The following BCL11B variants were observed in gnomAD, a reference collection of about 807,000 sequenced individuals.
BCL11B encodes the protein BCL11 transcription factor B, also known as B-cell lymphoma/leukemia 11B.
Under a neutral mutation model 49.9 loss-of-function variants are expected in BCL11B, and 8 were observed. The ratio of observed to expected loss-of-function variants is 0.16; its 90% CI spans 0.09 to 0.29. The LOEUF (loss-of-function observed/expected upper bound fraction) is 0.29, where lower values mean the gene tolerates loss of function less well. BCL11B is among the 10% of genes least tolerant of loss of function. BCL11B has a pLI of 1.00. For missense variants in BCL11B, 1,006 were observed against 1,351.0 expected, an observed-to-expected ratio of 0.74 and a Z score of 4.00; for synonymous variants, 739 against 637.4, an observed-to-expected ratio of 1.16 and a Z score of -2.40.
At chr14:99,250,183 C>A (rs925990617) in intron 2 of BCL11B, among the ~76,000 whole-genome samples, 1 of 151,766 alleles carries the variant, frequency 6.6e-6, no homozygotes, top group Non-Finnish European at 1.5e-5. Flanking sequence ...CTACAGGCAC[C>A]CGCCACCATG....
intron 3 of BCL11B, among the ~76,000 whole-genome samples, chr14:99,212,058 C>T (rs530086488): frequency 6.6e-6 from 1 of 152,146 alleles, no homozygotes; most frequent in East Asian, 1.9e-4. Flanking sequence ...TCCCATCCTG[C>T]CCACCGACTT....
At chr14:99,199,284 C>T (rs566817807) in intron 3 of BCL11B, among the ~76,000 whole-genome samples, 1 of 152,288 alleles carries the variant, frequency 6.6e-6, no homozygotes, top group South Asian at 2.1e-4. Context: ...TTCTCCCATG[C>T]TCCTTAATAA....
chr14:99,189,951 G>T (rs1886973334), intron 3 of BCL11B, among the ~76,000 whole-genome samples: 1 of 152,206 alleles, frequency 6.6e-6, no homozygotes, highest in Non-Finnish European at 1.5e-5. Context: ...AGCACCTCAA[G>T]GCTGGCTGGG....
rs180994571 is a variant in BCL11B, at chr14:99,240,572, T to G, written c.428-9015A>C. ...TTTAACTGAGTTTTCTGTATGTAGA[T>G]GGCATTTAATATACATATCGTAAGC... is the stretch of plus-strand genomic sequence containing the variant. On this transcript the variant is annotated intron_variant, in intron 2 of 3. Coordinates refer to ENST00000357195, the MANE Select transcript of BCL11B (RefSeq NM_138576.4). Among the ~76,000 whole-genome samples the G allele has an allele frequency of 1.5e-3, 235 of 152,346 alleles. 2 individuals are homozygous for G. Among genetic ancestry groups the G allele is most frequent in the Non-Finnish European group, 2.6e-3 (178 of 68,028 alleles).
At chr14:99,256,855 G>A (rs529585380) in intron 2 of BCL11B, among the ~76,000 whole-genome samples, 13 of 152,234 alleles carry the variant, frequency 8.5e-5, no homozygotes, top group South Asian at 2.1e-4. Context: ...GCCTGGGACC[G>A]GCCCCTGGGG....
rs1270397012 is a variant in BCL11B, at chr14:99,247,480, C to T, written c.427+9991G>A. Among the ~76,000 whole-genome samples, 2 of 152,322 alleles carry T rather than the reference C, an allele frequency of 1.3e-5. No homozygotes were observed. The highest frequency in any genetic ancestry group is 3.9e-4 in the East Asian group (2 of 5,172). On this transcript the variant is annotated intron_variant, in intron 2 of 3. Coordinates refer to ENST00000357195, the MANE Select transcript of BCL11B (RefSeq NM_138576.4). The surrounding 1 kb of genome is among the most constrained non-coding windows in gnomAD (Gnocchi z 4.5). ...AGAGAAGAATTCAGACAGTTGTTGT[C>T]TCTCTGAGCCCAGGACAGCCAGTCT... is the stretch of plus-strand genomic sequence containing the variant.
In BCL11B at chr14:99,204,674, A is replaced by G. The variant is rs75758849; in HGVS notation, c.640+26671T>C. Among the ~76,000 whole-genome samples, 550 of 152,236 alleles carry G rather than the reference A, an allele frequency of 3.6e-3. 24 individuals are homozygous for G. The East Asian group carries it at 0.09, about 25-fold the overall frequency. ...GTGCTGGGCATCTGGGAGCCTAACA[A>G]GAGTGTCTAGAACCTTCTCCCTTAC... On this transcript the variant is annotated intron_variant, in intron 3 of 3. Transcript: ENST00000357195.
intron 3 of BCL11B, among the ~76,000 whole-genome samples, chr14:99,193,684 A>G (rs1887102141): frequency 6.6e-6 from 1 of 152,240 alleles, no homozygotes; most frequent in African/African-American, 2.4e-5. Flanking sequence ...AACTAAATAG[A>G]GAAACCAACA....
Position 99,184,483 on chromosome 14 carries a change from G to T in BCL11B, c.641-8288C>A, listed in dbSNP as rs1595224831. On this transcript the variant is annotated intron_variant, in intron 3 of 3. Coordinates refer to ENST00000357195, the MANE Select transcript of BCL11B (RefSeq NM_138576.4). The surrounding 1 kb of genome is among the most constrained non-coding windows in gnomAD (Gnocchi z 6.1). Reference sequence around the variant, plus strand: ...CTTTGGAAAGTGGGTTTTAACCCAGGTTCTCTAGAGAAAAGAAACTAAGTC... The same window carrying T: ...CTTTGGAAAGTGGGTTTTAACCCAGTTTCTCTAGAGAAAAGAAACTAAGTC... 6.6e-6 allele frequency among the ~76,000 whole-genome samples: 1 copy of T among 152,298 alleles called. No homozygotes were observed. The highest frequency in any genetic ancestry group is 3.4e-3 in the Middle Eastern group (1 of 294).
Position 99,241,323 on chromosome 14 carries a change from C to T in BCL11B, c.428-9766G>A, listed in dbSNP as rs1028789655. On this transcript the variant is annotated intron_variant, in intron 2 of 3. Transcript: ENST00000357195. The surrounding 1 kb of genome is among the most constrained non-coding windows in gnomAD (Gnocchi z 4.4). ...AGGCGGGGAGGCCTCCGGGGCCACT[C>T]TTACACATAAACAATCATAGTGTAG... Among the ~76,000 whole-genome samples, 2 of 152,084 alleles carry T rather than the reference C, an allele frequency of 1.3e-5. No individual in the cohort carries two copies. Among genetic ancestry groups the T allele is most frequent in the Non-Finnish European group, 2.9e-5 (2 of 68,034 alleles).
At chr14:99,227,928 C>T (rs1888205023) in intron 3 of BCL11B, among the ~76,000 whole-genome samples, 1 of 152,178 alleles carries the variant, frequency 6.6e-6, no homozygotes, top group African/African-American at 2.4e-5. Context: ...CTTCTCCCCA[C>T]TGCGACCATT....
intron 2 of BCL11B, among the ~76,000 whole-genome samples, chr14:99,234,454 T>A (rs1055290194): frequency 4.6e-5 from 7 of 152,124 alleles, no homozygotes; most frequent in African/African-American, 1.7e-4. Context: ...GCTTGAGATG[T>A]GGGACAGGGT....
rs1167349078 is a variant in BCL11B at position 99,271,730 on chromosome 14, A to G, written c.-512T>C. The stretch of plus-strand genomic sequence containing the variant: ...GAAAGCGCACTTCTACCAGGAGGGG[A>G]AAAAAAATGCAAACAAATAAAAAAA... On this transcript the variant is annotated 5_prime_UTR_variant, in exon 1 of 4. Coordinates refer to ENST00000357195, the MANE Select transcript of BCL11B (RefSeq NM_138576.4). 4.0e-5 allele frequency among the ~76,000 whole-genome samples: 6 copies of G among 151,664 alleles called. No individual in the cohort carries two copies. The highest frequency in any genetic ancestry group is 2.1e-4 in the South Asian group (1 of 4,806).
At position 99,194,387 on chromosome 14, in the gene BCL11B, G is replaced by C. The variant is rs1270071238; in HGVS notation, c.641-18192C>G. Among the ~76,000 whole-genome samples, 3 of 152,228 alleles carry C rather than the reference G, an allele frequency of 2.0e-5. No homozygotes were observed. Among genetic ancestry groups the C allele is most frequent in the Non-Finnish European group, 2.9e-5 (2 of 68,042 alleles). ...CAGTGCTCCTGGACAACATCCCTAG[G>C]GGGTGGCAGGGCCAGGAAGATGCCT... On this transcript the variant is annotated intron_variant, in intron 3 of 3. Transcript: ENST00000357195. This position sits in a 1 kb window ranked among gnomAD's most constrained non-coding sequence, Gnocchi z 4.6.
At chr14:99,212,821 C>T (rs1471706385) in intron 3 of BCL11B, among the ~76,000 whole-genome samples, 1 of 152,206 alleles carries the variant, frequency 6.6e-6, no homozygotes, top group Non-Finnish European at 1.5e-5. Context: ...GATCCCAGGG[C>T]CATGATGCTC....
chr14:99,217,329 CATGCACATAT>C (rs1887875138), intron 3 of BCL11B, among the ~76,000 whole-genome samples: 1 of 151,774 alleles, frequency 6.6e-6, no homozygotes, highest in South Asian at 2.1e-4. Context: ...CGTGTACACG[CATGCACATAT>C]ATGCACATAT....
intron 2 of BCL11B, among the ~76,000 whole-genome samples, chr14:99,245,573 G>A (rs958223612): frequency 2.6e-5 from 4 of 152,242 alleles, no homozygotes; most frequent in Admixed American, 6.5e-5. Context: ...AAGGTGGGCT[G>A]AGGAAGACGG....
chr14:99,221,272 G>A (rs953496126), intron 3 of BCL11B, among the ~76,000 whole-genome samples: 2 of 152,218 alleles, frequency 1.3e-5, no homozygotes, highest in African/African-American at 4.8e-5. Flanking sequence ...ACCAAGAGCA[G>A]ACTCACGCAC....
At chr14:99,199,820 G>C (rs992117643) in intron 3 of BCL11B, among the ~76,000 whole-genome samples, 85 of 151,958 alleles carry the variant, frequency 5.6e-4, no homozygotes, top group Admixed American at 1.6e-3. Context: ...TCATGCCACT[G>C]GCCCACAATT....
Sources: gnomAD v4.1 joint callset for allele counts (sites outside exome capture counted in the v4.1 genomes callset) on GRCh38, gnomAD v4.1.1 for gene constraint, Gnocchi (gnomAD v3.1) non-coding constraint, MANE v1.5 for transcripts, NCBI Gene and HGNC (gene_info 2026-07-23, HGNC 2026-07-21) for gene names.